The following GSTCD variants were observed in gnomAD, a reference collection of about 807,000 sequenced individuals.
GSTCD encodes the protein glutathione S-transferase C-terminal domain containing.
Under a neutral mutation model 68.3 loss-of-function variants are expected in GSTCD, and 44 were observed. That is an observed-to-expected ratio of 0.64 (90% CI 0.51 to 0.83). GSTCD has a LOEUF of 0.83. Among genes scored for constraint, GSTCD ranks in the 40% least tolerant of loss-of-function variants. GSTCD has a pLI of 0.00. For missense variants in GSTCD, 739 were observed against 735.9 expected (o/e 1.00, Z -0.05); for synonymous variants, 273 against 255.2 (o/e 1.07, Z -0.67).
At chr4:105,804,714 A>G (rs576395627) in intron 5 of GSTCD, among the ~76,000 whole-genome samples, 2 of 152,184 alleles carry the variant, frequency 1.3e-5, no homozygotes, top group South Asian at 4.1e-4. Context: ...AACGTGTGCC[A>G]TGTTGGTTTG....
intron 5 of GSTCD, among the ~76,000 whole-genome samples, chr4:105,810,920 A>C (rs1057140503): frequency 4.6e-5 from 7 of 152,256 alleles, no homozygotes; most frequent in Admixed American, 3.3e-4. Flanking sequence ...AATCTAAAGA[A>C]TCTGATCTGT....
chr4:105,840,450 TC>T lies in GSTCD; in HGVS notation c.1696-1612del, dbSNP rs553829140. 18 of 225,608 alleles carry T rather than the reference TC, an allele frequency of 8.0e-5. No individual in the cohort carries two copies. The East Asian group carries it at 1.8e-3, about 22-fold the overall frequency. 14.0% of individuals were successfully genotyped at this position (225,608 alleles called of 1,614,324 possible). ...AAGCATACAAGTTTAGACAAAGATA[TC>T]CCTTTTAAAAAACCAACATTGCCAC... On this transcript the variant is annotated intron_variant, in intron 10 of 11. Coordinates refer to ENST00000515279, the MANE Select transcript of GSTCD (RefSeq NM_001370181.1).
chr4:105,739,096 A>G (rs1733550940), intron 5 of GSTCD, among the ~76,000 whole-genome samples: 1 of 152,218 alleles, frequency 6.6e-6, no homozygotes. Context: ...AGATAATCAC[A>G]TAAGTTTTGT....
chr4:105,794,047 A>C (rs1046592854), intron 5 of GSTCD, among the ~76,000 whole-genome samples: 2 of 152,068 alleles, frequency 1.3e-5, no homozygotes, highest in Non-Finnish European at 2.9e-5. Flanking sequence ...TCCAAAAACT[A>C]TTTGTTTTTA....
At chr4:105,730,176 T>A (rs1376818104) in intron 5 of GSTCD, among the ~76,000 whole-genome samples, 1 of 152,228 alleles carries the variant, frequency 6.6e-6, no homozygotes, top group African/African-American at 2.4e-5. Flanking sequence ...AAGTCTTTGC[T>A]ATTGTGAATA....
intron 2 of GSTCD, among the ~76,000 whole-genome samples, chr4:105,718,814 G>A (rs1455870674): frequency 1.3e-5 from 2 of 152,100 alleles, no homozygotes; most frequent in Non-Finnish European, 2.9e-5. Flanking sequence ...TAGGACAGGG[G>A]AGGTATATTG....
intron 5 of GSTCD, among the ~76,000 whole-genome samples, chr4:105,769,754 A>T (rs1024434707): frequency 2.6e-5 from 4 of 151,536 alleles, no homozygotes; most frequent in Admixed American, 2.6e-4. Context: ...CAGAATACAG[A>T]TTTTATTTTA....
chr4:105,762,107 G>A (rs1205089205), intron 5 of GSTCD, among the ~76,000 whole-genome samples: 1 of 152,176 alleles, frequency 6.6e-6, no homozygotes, highest in Admixed American at 6.5e-5. Context: ...TTTTCCCAAA[G>A]GAACTTCTCA....
chr4:105,747,317 G>A (rs1020901305), intron 5 of GSTCD, among the ~76,000 whole-genome samples: 2 of 152,168 alleles, frequency 1.3e-5, no homozygotes, highest in African/African-American at 4.8e-5. Flanking sequence ...TTCAAACTAG[G>A]ATATCTATCA....
intron 5 of GSTCD, among the ~76,000 whole-genome samples, chr4:105,737,945 G>T (rs2149217878): frequency 6.6e-6 from 1 of 152,230 alleles, no homozygotes; most frequent in East Asian, 1.9e-4. Flanking sequence ...CTCACTCTTA[G>T]TTCCCATGAG....
chr4:105,820,609 G>A (rs568395709), intron 5 of GSTCD: 4 of 151,854 alleles, frequency 2.6e-5, no homozygotes, highest in Admixed American at 6.6e-5. Flanking sequence ...AAACTAGAAC[G>A]GGGAAAGAGA....
intron 10 of GSTCD, among the ~76,000 whole-genome samples, chr4:105,839,204 A>G (rs1438031233): frequency 3.3e-5 from 5 of 152,240 alleles, no homozygotes; most frequent in Non-Finnish European, 7.3e-5. Flanking sequence ...GCCTTCACCT[A>G]CTAGATTAAA....
At position 105,717,787 on chromosome 4, in the gene GSTCD, A is replaced by C; in HGVS notation, c.174A>C (p.Arg58Ser). The C allele has an allele frequency of 1.2e-6, 2 of 1,612,886 alleles. No individual in the cohort carries two copies. The highest frequency in any genetic ancestry group is 1.3e-5 in the African/African-American group (1 of 75,024). The change falls in exon 2 of 12, where the codon AGA becomes AGC. Residue 58 changes from arginine (R) to serine (S), a missense_variant. Transcript: ENST00000515279. ...ICLVVTKEVS[R>S]DSSLLRDDLI... ...TAGTTGTCACCAAAGAGGTGAGTAG[A>C]GATAGTTCACTACTAAGAGATGACC...
At chr4:105,785,703 A>C (rs1311792114) in intron 5 of GSTCD, among the ~76,000 whole-genome samples, 1 of 152,168 alleles carries the variant, frequency 6.6e-6, no homozygotes, top group East Asian at 1.9e-4. Flanking sequence ...GGCTAAATGT[A>C]TTCTCCCTAA....
At position 105,822,985 on chromosome 4, in the gene GSTCD, G is replaced by A. The variant is rs761776187; in HGVS notation, c.1272G>A (p.Lys424=). 3.1e-6 allele frequency: 5 copies of A among 1,613,406 alleles called. No homozygotes were observed. The African/African-American group carries it at 6.7e-5, about 22-fold the overall frequency. ...GKMSSDRALR[K]QQQLNNLVYV... ...TGTCCAGTGATCGAGCTTTGAGGAA[G>A]CAGCAACAGTTGAACAACCTTGTCT... The change falls in exon 6 of 12, where the codon AAG becomes AAA. Residue 424 remains lysine (K), a synonymous_variant. Coordinates refer to ENST00000515279, the MANE Select transcript of GSTCD (RefSeq NM_001370181.1).
chr4:105,804,020 T>G (rs1182657140), intron 5 of GSTCD, among the ~76,000 whole-genome samples: 1 of 151,958 alleles, frequency 6.6e-6, no homozygotes, highest in East Asian at 1.9e-4. Context: ...AATGGATACT[T>G]CAGTAGTTTT....
intron 5 of GSTCD, among the ~76,000 whole-genome samples, chr4:105,768,131 G>C (rs944346167): frequency 6.6e-6 from 1 of 151,792 alleles, no homozygotes. Flanking sequence ...CACCTGCCGG[G>C]TTCCCGCCAT....
At chr4:105,720,465 C>CT (rs1464698984) in intron 3 of GSTCD, among the ~76,000 whole-genome samples, 13 of 152,106 alleles carry the variant, frequency 8.5e-5, no homozygotes, top group African/African-American at 3.1e-4. Flanking sequence ...TATCGAAAAT[C>CT]TATGTATTTG....
chr4:105,813,626 C>G (rs1257355796), intron 5 of GSTCD, among the ~76,000 whole-genome samples: 1 of 152,164 alleles, frequency 6.6e-6, no homozygotes, highest in Non-Finnish European at 1.5e-5. Flanking sequence ...AGACACTCAA[C>G]CAACATTCAT....
Sources: allele counts gnomAD v4.1 joint callset (sites outside exome capture counted in the v4.1 genomes callset), GRCh38; gene constraint gnomAD v4.1.1; transcripts MANE v1.5; gene names NCBI Gene and HGNC (gene_info 2026-07-23, HGNC 2026-07-21).